The following CPED1 variants were observed in gnomAD, a reference collection of about 807,000 sequenced individuals.
CPED1 encodes the protein cadherin-like and PC-esterase domain-containing protein 1.
CPED1 carries 114 observed loss-of-function variants against 128.2 expected under a neutral mutation model. The ratio of observed to expected loss-of-function variants is 0.89; its 90% CI spans 0.76 to 1.04. The LOEUF (loss-of-function observed/expected upper bound fraction) is 1.04, where lower values mean the gene tolerates loss of function less well. CPED1 is among the 50% of genes least tolerant of loss of function. The pLI, the probability that CPED1 is intolerant of heterozygous loss-of-function variation, is 0.00. For synonymous variants in CPED1, 462 were observed against 426.7 expected (o/e 1.08, Z -1.02); for missense variants, 1,211 against 1,207.1 (o/e 1.00, Z -0.05).
At chr7:121,194,690 A>G (rs1369876782) in intron 16 of CPED1, among the ~76,000 whole-genome samples, 1 of 152,198 alleles carries the variant, frequency 6.6e-6, no homozygotes, top group African/African-American at 2.4e-5. Flanking sequence ...TCGTAAAATA[A>G]GTTTTTAATT....
At chr7:121,126,240 A>C (rs933302387) in intron 9 of CPED1, among the ~76,000 whole-genome samples, 2 of 152,144 alleles carry the variant, frequency 1.3e-5, no homozygotes, top group Non-Finnish European at 2.9e-5. Context: ...TGAGGGTATA[A>C]AAAGATAACT....
Position 120,999,208 on chromosome 7 carries a change from C to T in CPED1, c.249+9338C>T, listed in dbSNP as rs758783502. On this transcript the variant is annotated intron_variant, in intron 2 of 22. Transcript: ENST00000310396. ...CAAAAGTCCTCCACTTCTCCTTTTT[C>T]CTGTACAAGTATCCCTTGATCTCTT... is the stretch of plus-strand genomic sequence containing the variant. Among the ~76,000 whole-genome samples the T allele has an allele frequency of 6.6e-5, 10 of 152,238 alleles. 1 individual carries two copies. The highest frequency in any genetic ancestry group is 3.3e-4 in the Admixed American group (5 of 15,284).
At chr7:121,134,666 A>G (rs573644609) in intron 13 of CPED1, among the ~76,000 whole-genome samples, 4 of 152,228 alleles carry the variant, frequency 2.6e-5, no homozygotes, top group East Asian at 1.9e-4. Context: ...TCATTACACA[A>G]TGTATACATG....
intron 2 of CPED1, among the ~76,000 whole-genome samples, chr7:121,009,486 A>C (rs1320920850): frequency 2.0e-5 from 3 of 151,832 alleles, no homozygotes; most frequent in African/African-American, 7.3e-5. Flanking sequence ...ATGCGCCTGT[A>C]GTCCTAGCTA....
chr7:121,183,510 G>A lies in CPED1; in HGVS notation c.2055+41369G>A, dbSNP rs1308858127. Among the ~76,000 whole-genome samples, 4 of 152,132 alleles carry A rather than the reference G, an allele frequency of 2.6e-5. No individual in the cohort carries two copies. The East Asian group carries it at 7.7e-4, about 29-fold the overall frequency. Reference sequence around the variant, plus strand: ...TATTTTAGATGACTGACAGTCTTCTGTAAATTCCTTAAGGTACAGATTTTG... The same window carrying A: ...TATTTTAGATGACTGACAGTCTTCTATAAATTCCTTAAGGTACAGATTTTG... On this transcript the variant is annotated intron_variant, in intron 16 of 22. Coordinates refer to ENST00000310396, the MANE Select transcript of CPED1 (RefSeq NM_024913.5).
At chr7:121,222,291 C>T (rs1428207790) in intron 16 of CPED1, among the ~76,000 whole-genome samples, 4 of 152,094 alleles carry the variant, frequency 2.6e-5, no homozygotes, top group Non-Finnish European at 5.9e-5. Context: ...TTTCTGAGGG[C>T]TCTGTTCTGT....
chr7:121,100,552 G>A (rs1420082871), intron 7 of CPED1, among the ~76,000 whole-genome samples: 1 of 152,130 alleles, frequency 6.6e-6, no homozygotes, highest in Non-Finnish European at 1.5e-5. Context: ...TCTCAAGTGT[G>A]CCTAATATAG....
At chr7:121,266,510 G>A (rs773940922) in intron 19 of CPED1, 63 bp downstream of exon 19, 154 of 1,365,992 alleles carry the variant, frequency 1.1e-4, no homozygotes, top group Non-Finnish European at 1.5e-4. Flanking sequence ...GCTAGCAGTC[G>A]TCACTGCTCA....
chr7:121,164,620 G>A (rs1286077238), intron 16 of CPED1, among the ~76,000 whole-genome samples: 1 of 152,134 alleles, frequency 6.6e-6, no homozygotes, highest in South Asian at 2.1e-4. Context: ...CCCAAACTGC[G>A]CTTTGAGAAC....
chr7:121,229,814 C>T (rs915228229), intron 16 of CPED1, among the ~76,000 whole-genome samples: 2 of 151,698 alleles, frequency 1.3e-5, no homozygotes, highest in African/African-American at 2.4e-5. Context: ...TAGTTCACGT[C>T]CTAAAAAAAG....
intron 4 of CPED1, among the ~76,000 whole-genome samples, chr7:121,056,703 A>G (rs968628846): frequency 9.9e-5 from 15 of 151,834 alleles, no homozygotes; most frequent in Middle Eastern, 3.4e-3. Flanking sequence ...TCCTCTTTTT[A>G]CTTTCTGGAA....
At chr7:121,209,001 C>T (rs1016102773) in intron 16 of CPED1, among the ~76,000 whole-genome samples, 1 of 151,954 alleles carries the variant, frequency 6.6e-6, no homozygotes, top group African/African-American at 2.4e-5. Flanking sequence ...AAAAGGAAAG[C>T]TTGCAGCTAA....
chr7:121,070,884 G>T (rs905021043), intron 5 of CPED1, among the ~76,000 whole-genome samples: 1 of 152,096 alleles, frequency 6.6e-6, no homozygotes, highest in Non-Finnish European at 1.5e-5. Flanking sequence ...TATTAGGTCT[G>T]CTCACATAAG....
At chr7:121,120,985 A>C (rs1415871639) in intron 7 of CPED1, among the ~76,000 whole-genome samples, 4 of 140,796 alleles carry the variant, frequency 2.8e-5, no homozygotes, top group Admixed American at 7.0e-5. Flanking sequence ...AAAAAAAAAA[A>C]AACAAAAAAA....
At chr7:121,159,722 T>C (rs1022623033) in intron 16 of CPED1, among the ~76,000 whole-genome samples, 1 of 152,146 alleles carries the variant, frequency 6.6e-6, no homozygotes, top group Non-Finnish European at 1.5e-5. Context: ...AACACTCTGT[T>C]GTTGTATATT....
chr7:121,224,787 C>CTTTTTTTTTTTTTTT (rs143087799), intron 16 of CPED1, among the ~76,000 whole-genome samples: 41 of 56,232 alleles, frequency 7.3e-4, no homozygotes, highest in South Asian at 2.1e-3. Flanking sequence ...GCAACCCCTG[C>CTTTTTTTTTTTTTTT]TTTTTTTTTT....
intron 14 of CPED1, 76 bp downstream of exon 14, chr7:121,136,166 A>G (rs1795779715): frequency 7.4e-7 from 1 of 1,355,458 alleles, no homozygotes; most frequent in Non-Finnish European, 1.0e-6. Context: ...AAAATGCATC[A>G]TTTTATTATA....
At chr7:121,027,353 T>C (rs1431236356) in intron 3 of CPED1, among the ~76,000 whole-genome samples, 1 of 152,138 alleles carries the variant, frequency 6.6e-6, no homozygotes, top group African/African-American at 2.4e-5. Context: ...GCAGGGAGTA[T>C]TTCATTCATC....
intron 3 of CPED1, among the ~76,000 whole-genome samples, chr7:121,018,636 A>T (rs754860082): frequency 6.6e-6 from 1 of 152,088 alleles, no homozygotes; most frequent in Admixed American, 6.6e-5. Context: ...GACAATAAAT[A>T]TAGAAGGTAT....
Sources: gnomAD v4.1 joint callset for allele counts (sites outside exome capture counted in the v4.1 genomes callset) on GRCh38, gnomAD v4.1.1 for gene constraint, MANE v1.5 for transcripts, NCBI Gene and HGNC (gene_info 2026-07-23, HGNC 2026-07-21) for gene names.